TBC1D14: variants seen among roughly 807,000 people sequenced by gnomAD.
TBC1D14 encodes TBC1 domain family, member 14.
In TBC1D14, 26 loss-of-function variants were observed where a neutral mutation model predicts 79.0. The ratio of observed to expected loss-of-function variants is 0.33; its 90% confidence interval spans 0.24 to 0.46. The LOEUF is 0.46. Among genes scored for constraint, TBC1D14 ranks in the 20% least tolerant of loss-of-function variants. TBC1D14 has a pLI of 1.00. For missense variants in TBC1D14, 769 were observed against 887.6 expected (o/e 0.87, Z 1.70); for synonymous variants, 394 against 349.9 (o/e 1.13, Z -1.40).
rs545566254 is a variant in TBC1D14, at chr4:7,013,563, T to A, written c.1648-885T>A. ...AAACCGTCCACCGTTGGAAAGCAAG[T>A]TCCATAAACTACGGGCTGTAACGCC... On this transcript the variant is annotated intron_variant, in intron 11 of 13. Transcript: ENST00000409757. 3.3e-5 allele frequency among the ~76,000 whole-genome samples: 5 copies of A among 152,328 alleles called. No individual in the cohort carries two copies. The South Asian group carries it at 6.2e-4, about 19-fold the overall frequency.
chr4:6,984,726 T>C (rs1041837013), intron 3 of TBC1D14, among the ~76,000 whole-genome samples: 1 of 152,164 alleles, frequency 6.6e-6, no homozygotes, highest in African/African-American at 2.4e-5. Flanking sequence ...CACAATTGCA[T>C]AGACATGATG....
chr4:6,963,031 T>TGGAGA (rs1246434369), intron 2 of TBC1D14, among the ~76,000 whole-genome samples: 1 of 152,012 alleles, frequency 6.6e-6, no homozygotes, highest in African/African-American at 2.4e-5. Context: ...TGAAGGCATG[T>TGGAGA]GGAGAGGAGA....
intron 3 of TBC1D14, among the ~76,000 whole-genome samples, chr4:6,979,874 G>A (rs1049222138): frequency 6.6e-6 from 1 of 152,164 alleles, no homozygotes; most frequent in African/African-American, 2.4e-5. Context: ...GATTCTAAAT[G>A]TATTTGCACT....
At chr4:6,919,142 G>T (rs34760356) in intron 1 of TBC1D14, among the ~76,000 whole-genome samples, 1 of 151,740 alleles carries the variant, frequency 6.6e-6, no homozygotes, top group African/African-American at 2.4e-5. Context: ...CAGCACCTGG[G>T]TAATTTCACC....
At position 6,948,535 on chromosome 4, in the gene TBC1D14, T is replaced by G. The variant is rs1435411664; in HGVS notation, c.723-18769T>G. Among the ~76,000 whole-genome samples the G allele has an allele frequency of 3.9e-5, 6 of 151,956 alleles. No homozygotes were observed. In the East Asian group the frequency reaches 1.2e-3, roughly 29 times the overall value. Reference sequence around the variant, plus strand: ...TGGTTACAAATAATGCCCACCATGGTGTTCTCACGGATGTCACTGGCGTGT... The same window carrying G: ...TGGTTACAAATAATGCCCACCATGGGGTTCTCACGGATGTCACTGGCGTGT... On this transcript the variant is annotated intron_variant, in intron 2 of 13. Transcript: ENST00000409757.
intron 6 of TBC1D14, 133 bp from the exon 7 acceptor site, chr4:7,001,012 A>G: frequency 2.9e-6 from 2 of 689,664 alleles, no homozygotes; most frequent in Non-Finnish European, 5.1e-6. Flanking sequence ...CTGGACTCTA[A>G]GCTTCCTGAG....
rs1304954222 is a variant in TBC1D14 at position 6,924,102 on chromosome 4, T to A, written c.713T>A (p.Phe238Tyr). The A allele has an allele frequency of 6.2e-7, 1 of 1,611,844 alleles. No homozygotes were observed. Among genetic ancestry groups the A allele is most frequent in the South Asian group, 1.1e-5 (1 of 91,024 alleles). Residue 238 changes from phenylalanine (F) to tyrosine (Y), a missense_variant, in exon 2 of 14, where the codon TTC (phenylalanine) becomes TAC (tyrosine). Transcript: ENST00000409757. ...KLKILGPFSN[F>Y]FARNLLARKQ... is the part of the protein sequence containing the mutation. ...AAAATATTGGGGCCATTTAGTAACTTCTTTGCAAGGTAATGCCATCTTTGC... is the reference window on the plus strand; with the variant it reads ...AAAATATTGGGGCCATTTAGTAACTACTTTGCAAGGTAATGCCATCTTTGC...
At chr4:7,010,859 T>G in intron 11 of TBC1D14, 78 bp downstream of exon 11, 1 of 1,494,086 alleles carries the variant, frequency 6.7e-7, no homozygotes, top group South Asian at 1.3e-5. Context: ...GTGTTTTCGG[T>G]GGAAAAAAAG....
intron 12 of TBC1D14, among the ~76,000 whole-genome samples, chr4:7,021,518 GCC>G (rs1441481771): frequency 6.6e-6 from 1 of 152,152 alleles, no homozygotes; most frequent in Non-Finnish European, 1.5e-5. Context: ...GGTCACCTGA[GCC>G]CAGGAGGTCT....
chr4:6,945,546 C>T (rs11723508), intron 2 of TBC1D14, among the ~76,000 whole-genome samples: 5,256 of 151,962 alleles, frequency 0.035, 143 homozygotes, highest in Non-Finnish European at 0.053. Context: ...GTTTGGAGTT[C>T]GAGACCAGCC....
At chr4:6,953,182 G>T (rs113004161) in intron 2 of TBC1D14, among the ~76,000 whole-genome samples, 18,409 of 149,776 alleles carry the variant, frequency 0.12, 1,761 homozygotes, top group African/African-American at 0.27. Context: ...CTACCACCAT[G>T]CCCAGCTAAT....
At chr4:6,982,909 G>A (rs1192240327) in intron 3 of TBC1D14, among the ~76,000 whole-genome samples, 1 of 152,238 alleles carries the variant, frequency 6.6e-6, no homozygotes, top group Non-Finnish European at 1.5e-5. Flanking sequence ...GCTATTAGTG[G>A]AATTTCTTTG....
chr4:6,987,797 T>A (rs1216182546), intron 3 of TBC1D14, among the ~76,000 whole-genome samples: 2 of 152,190 alleles, frequency 1.3e-5, no homozygotes, highest in Non-Finnish European at 2.9e-5. Context: ...GTGGTCAGGT[T>A]GCAACAGCAA....
intron 5 of TBC1D14, chr4:6,998,775 G>A (rs1331242394): frequency 1.6e-5 from 4 of 244,248 alleles, no homozygotes; most frequent in Non-Finnish European, 2.4e-5. Flanking sequence ...CTGACCTCAG[G>A]TGATCCACCC....
chr4:6,971,133 T>C (rs1265809996), intron 3 of TBC1D14, among the ~76,000 whole-genome samples: 1 of 152,260 alleles, frequency 6.6e-6, no homozygotes, highest in Admixed American at 6.5e-5. Context: ...GGCCAGGAGC[T>C]TTGGACTTGC....
rs148067326 is a variant in TBC1D14, at chr4:7,028,116, C to T, written c.2017-2211C>T. Among the ~76,000 whole-genome samples, 462 of 146,990 alleles carry T rather than the reference C, an allele frequency of 3.1e-3. 1 individual carries two copies. Among genetic ancestry groups the T allele is most frequent in the African/African-American group, 0.011 (434 of 39,840 alleles). On this transcript the variant is annotated intron_variant, in intron 13 of 13. Transcript: ENST00000409757. ...TACACCTATCACAGCCCCACACACA[C>T]GTCACCCCACACATCACACCCACAC...
chr4:6,928,521 G>T (rs1397935110), intron 2 of TBC1D14, among the ~76,000 whole-genome samples: 1 of 152,282 alleles, frequency 6.6e-6, no homozygotes, highest in East Asian at 1.9e-4. Context: ...ATGGGGTAAT[G>T]GCACCTCTTG....
intron 2 of TBC1D14, among the ~76,000 whole-genome samples, chr4:6,951,777 T>C (rs1315184822): frequency 3.9e-5 from 6 of 152,194 alleles, no homozygotes; most frequent in Admixed American, 3.9e-4. Context: ...TCTTCCTTAA[T>C]GTTTGGAAGA....
chr4:6,956,460 G>A (rs982596891), intron 2 of TBC1D14, among the ~76,000 whole-genome samples: 4 of 152,188 alleles, frequency 2.6e-5, no homozygotes, highest in South Asian at 4.1e-4. Context: ...CTCCCAACAC[G>A]CCATCCCCGC....
Sources: gnomAD v4.1 joint callset for allele counts (sites outside exome capture counted in the v4.1 genomes callset) on GRCh38, gnomAD v4.1.1 for gene constraint, MANE v1.5 for transcripts, NCBI Gene and HGNC (gene_info 2026-07-23, HGNC 2026-07-21) for gene names.